Variants in ZBTB20 observed in about 807,000 individuals in gnomAD.
ZBTB20 encodes the protein zinc finger and BTB domain-containing protein 20.
In ZBTB20, 9 loss-of-function variants were observed where a neutral mutation model predicts 56.9. That is an observed-to-expected ratio of 0.16 (90% CI 0.10 to 0.28). The LOEUF is 0.28. ZBTB20 is among the 10% of genes least tolerant of loss of function. The pLI is 1.00. For missense variants in ZBTB20, 655 were observed against 1,003.0 expected (o/e 0.65, Z 4.69); for synonymous variants, 417 against 420.7 (o/e 0.99, Z 0.11).
chr3:114,827,800 T>A (rs1438481354), intron 4 of ZBTB20, among the ~76,000 whole-genome samples: 1 of 151,752 alleles, frequency 6.6e-6, no homozygotes, highest in African/African-American at 2.4e-5. Flanking sequence ...CTAGTATAAC[T>A]TGGACTCCAT....
chr3:114,590,804 G>A (rs991639534), intron 6 of ZBTB20, among the ~76,000 whole-genome samples: 8 of 152,188 alleles, frequency 5.3e-5, no homozygotes, highest in African/African-American at 1.7e-4. Flanking sequence ...GAACCACTTA[G>A]AGAAGTCATT....
chr3:114,466,507 G>C (rs1481512179), intron 7 of ZBTB20, among the ~76,000 whole-genome samples: 3 of 152,140 alleles, frequency 2.0e-5, no homozygotes, highest in Admixed American at 2.0e-4. Flanking sequence ...ATAACAAGTA[G>C]CAGAACTCAC....
At chr3:114,825,518 T>G (rs1432475417) in intron 4 of ZBTB20, among the ~76,000 whole-genome samples, 3 of 151,856 alleles carry the variant, frequency 2.0e-5, no homozygotes, top group African/African-American at 7.2e-5. Context: ...TAGGAGGCCA[T>G]GGGGAGACCA....
At chr3:115,093,606 C>T (rs1205669311) in intron 1 of ZBTB20, among the ~76,000 whole-genome samples, 2 of 152,178 alleles carry the variant, frequency 1.3e-5, no homozygotes, top group African/African-American at 2.4e-5. Context: ...CAGCTAATCA[C>T]TTCATCTATT....
intron 4 of ZBTB20, among the ~76,000 whole-genome samples, chr3:114,840,573 G>A (rs1018670024): frequency 6.6e-6 from 1 of 152,178 alleles, no homozygotes; most frequent in Admixed American, 6.5e-5. Flanking sequence ...AGTAGAAAAT[G>A]TTTGCGTCTA....
At chr3:114,945,676 G>T (rs1041286108) in intron 3 of ZBTB20, among the ~76,000 whole-genome samples, 7 of 145,322 alleles carry the variant, frequency 4.8e-5, no homozygotes, top group Admixed American at 4.0e-4. Context: ...TAAGATGATA[G>T]AATTAAATCA....
At position 115,074,720 on chromosome 3, in the gene ZBTB20, G is replaced by A. The variant is rs186072134; in HGVS notation, c.-702-3306C>T. On this transcript the variant is annotated intron_variant, in intron 1 of 11. Transcript: ENST00000675478. ...ATTCCTGCTATTGCTGTAGTATGCT[G>A]TCTTGAGAGAGTTATCAGACCATGA... is the stretch of plus-strand genomic sequence containing the variant. Among the ~76,000 whole-genome samples, 445 of 152,230 alleles carry A rather than the reference G, an allele frequency of 2.9e-3. 3 individuals carry two copies. The highest frequency in any genetic ancestry group is 0.011 in the African/African-American group (437 of 41,550).
intron 4 of ZBTB20, among the ~76,000 whole-genome samples, chr3:114,828,443 T>G (rs1337055811): frequency 6.6e-6 from 1 of 151,866 alleles, no homozygotes; most frequent in Non-Finnish European, 1.5e-5. Context: ...TTTTATATAC[T>G]TTCCATTTTT....
At chr3:115,143,369 T>C (rs1400177723) in intron 1 of ZBTB20, among the ~76,000 whole-genome samples, 2 of 152,212 alleles carry the variant, frequency 1.3e-5, no homozygotes, top group Non-Finnish European at 2.9e-5. Flanking sequence ...CTTCTCTTGA[T>C]AAAATCACAA....
rs1453229936 is a variant in ZBTB20, at chr3:114,928,706, G to A, written c.-455-28364C>T. On this transcript the variant is annotated intron_variant, in intron 3 of 11. Transcript: ENST00000675478. ...TTACATCTGTACTTCAGGTGAGTGA[G>A]ATAATTTTGTGAATGGTAGGTTAAA... Among the ~76,000 whole-genome samples the A allele has an allele frequency of 2.0e-5, 3 of 152,204 alleles. No individual in the cohort carries two copies. The East Asian group carries it at 5.8e-4, about 29-fold the overall frequency.
intron 3 of ZBTB20, chr3:114,930,980 C>G: frequency 5.6e-6 from 1 of 177,824 alleles, no homozygotes; most frequent in Non-Finnish European, 1.3e-5. Flanking sequence ...GTAGAATTAC[C>G]AGAATAGTGA....
At chr3:114,870,625 A>G (rs777687288) in intron 4 of ZBTB20, among the ~76,000 whole-genome samples, 3 of 151,566 alleles carry the variant, frequency 2.0e-5, no homozygotes, top group Non-Finnish European at 4.4e-5. Flanking sequence ...CCAAAGAAAT[A>G]GCAGCCAAGC....
intron 5 of ZBTB20, among the ~76,000 whole-genome samples, chr3:114,756,573 T>G (rs967854749): frequency 7.9e-5 from 12 of 152,140 alleles, no homozygotes; most frequent in Admixed American, 2.0e-4. Context: ...TTACTTAGAG[T>G]CTTCAAACCA....
intron 7 of ZBTB20, among the ~76,000 whole-genome samples, chr3:114,484,126 G>A (rs2041851432): frequency 6.6e-6 from 1 of 152,112 alleles, no homozygotes; most frequent in South Asian, 2.1e-4. Flanking sequence ...CCAGAAACAT[G>A]GGCAGACAGA....
intron 3 of ZBTB20, among the ~76,000 whole-genome samples, chr3:114,961,156 G>A (rs905602103): frequency 6.7e-6 from 1 of 149,828 alleles, no homozygotes; most frequent in Non-Finnish European, 1.5e-5. Context: ...CTCTGAAAGT[G>A]TGGGTCCAGC....
chr3:114,503,470 G>A (rs1160452788), intron 6 of ZBTB20, among the ~76,000 whole-genome samples: 1 of 152,124 alleles, frequency 6.6e-6, no homozygotes, highest in East Asian at 1.9e-4. Flanking sequence ...AATCTACATA[G>A]ATTTATATTT....
chr3:114,749,079 A>AAT (rs2067344529), intron 5 of ZBTB20, among the ~76,000 whole-genome samples: 1 of 152,212 alleles, frequency 6.6e-6, no homozygotes, highest in South Asian at 2.1e-4. Flanking sequence ...TAAGCCACAC[A>AAT]TATTAAGTTG....
chr3:114,636,729 C>CA (rs1174421072), intron 6 of ZBTB20, among the ~76,000 whole-genome samples: 1 of 151,542 alleles, frequency 6.6e-6, no homozygotes, highest in East Asian at 1.9e-4. Flanking sequence ...AATCAAATCA[C>CA]AAAAAAAGAC....
At chr3:115,097,332 C>A (rs760588911) in intron 1 of ZBTB20, among the ~76,000 whole-genome samples, 1 of 152,106 alleles carries the variant, frequency 6.6e-6, no homozygotes, top group East Asian at 1.9e-4. Flanking sequence ...GCATGCACCA[C>A]CACGCCCAGG....
Sources: allele counts gnomAD v4.1 joint callset (sites outside exome capture counted in the v4.1 genomes callset), GRCh38; gene constraint gnomAD v4.1.1; transcripts MANE v1.5; gene names NCBI Gene and HGNC (gene_info 2026-07-23, HGNC 2026-07-21).